The following HS3ST4 variants were observed in gnomAD, a reference collection of about 807,000 sequenced individuals.
HS3ST4 encodes the protein heparan sulfate-glucosamine 3-sulfotransferase 4.
A neutral mutation model predicts 29.2 loss-of-function variants in HS3ST4; 17 were observed. The ratio of observed to expected loss-of-function variants is 0.58; its 90% CI spans 0.40 to 0.87. The LOEUF (loss-of-function observed/expected upper bound fraction) is 0.87, where lower values mean the gene tolerates loss of function less well. Ranked by LOEUF, HS3ST4 falls within the 40% of genes least tolerant of loss-of-function variation. The pLI, the probability that HS3ST4 is intolerant of heterozygous loss-of-function variation, is 0.00. For synonymous variants in HS3ST4, 314 were observed against 285.7 expected, an observed-to-expected ratio of 1.10 and a Z score of -1.00; for missense variants, 627 against 634.5, an observed-to-expected ratio of 0.99 and a Z score of 0.13.
At chr16:26,060,255 A>C (rs566071760) in intron 1 of HS3ST4, among the ~76,000 whole-genome samples, 2 of 152,340 alleles carry the variant, frequency 1.3e-5, no homozygotes, top group South Asian at 4.1e-4. Flanking sequence ...AAGCAGGTGC[A>C]GTCATTTGAG....
chr16:26,135,757 GC>G lies in HS3ST4; in HGVS notation c.882del (p.Ile295SerfsTer29). 6.2e-7 allele frequency: 1 copy of G among 1,614,086 alleles called. No homozygotes were observed. Among genetic ancestry groups the G allele is most frequent in the Non-Finnish European group, 8.5e-7 (1 of 1,179,994 alleles). On this transcript the variant is annotated frameshift_variant, in exon 2 of 2. Transcript: ENST00000331351. LOFTEE classifies it high-confidence loss of function. ...GGTGGTGAGAAACCCCGTGACCAGG[GC>G]CATCTCTGACTACACGCAGACACTG... ...IVVVRNPVTRAISDYTQTLSK... is the reference protein window; with the variant it reads ...IVVVRNPVTRXISDYTQTLSK...
rs774359905 is a variant in HS3ST4 at position 26,105,611 on chromosome 16, TA to T, written c.735-29997del. ...CACTGAAGGTAAAATCTCAAGTTCTTAAAATGACCTGCAGGACTCTTCTGCC... is the reference window on the plus strand; with the variant it reads ...CACTGAAGGTAAAATCTCAAGTTCTTAAATGACCTGCAGGACTCTTCTGCC... On this transcript the variant is annotated intron_variant, in intron 1 of 1. Transcript: ENST00000331351. Among the ~76,000 whole-genome samples, 18 of 152,342 alleles carry T rather than the reference TA, an allele frequency of 1.2e-4. No individual in the cohort carries two copies. The East Asian group carries it at 2.5e-3, about 21-fold the overall frequency.
At chr16:26,097,058 A>G (rs1898934068) in intron 1 of HS3ST4, among the ~76,000 whole-genome samples, 2 of 152,222 alleles carry the variant, frequency 1.3e-5, no homozygotes. Flanking sequence ...GGAGAACTAC[A>G]TACCACTGCT....
At chr16:25,928,715 T>C (rs55809398) in intron 1 of HS3ST4, among the ~76,000 whole-genome samples, 14,953 of 152,206 alleles carry the variant, frequency 0.098, 838 homozygotes, top group African/African-American at 0.12. Flanking sequence ...CAGGGCCAAA[T>C]GTTTTCCCTG....
intron 1 of HS3ST4, among the ~76,000 whole-genome samples, chr16:25,965,616 G>A (rs945917911): frequency 6.6e-6 from 1 of 151,998 alleles, no homozygotes; most frequent in Admixed American, 6.6e-5. Flanking sequence ...TGCAAAACTC[G>A]ACCTTGCAAG....
Position 25,692,719 on chromosome 16 carries a change from C to A in HS3ST4, c.302C>A (p.Pro101Gln), listed in dbSNP as rs1331200365. 3 of 1,239,696 alleles carry A rather than the reference C, an allele frequency of 2.4e-6. No individual in the cohort carries two copies. Among genetic ancestry groups the A allele is most frequent in the Non-Finnish European group, 3.0e-6 (3 of 994,070 alleles). The allele number at this position is 1,239,696 out of a possible 1,614,324, so 76.8% of individuals were successfully genotyped here. ...LGAPSQPPAP[P>Q]PLDNASHGEP... ...GCCCCCTCGCAGCCGCCCGCGCCGCCGCCGCTGGACAACGCGAGCCACGGG... is the reference window on the plus strand; with the variant it reads ...GCCCCCTCGCAGCCGCCCGCGCCGCAGCCGCTGGACAACGCGAGCCACGGG... The change falls in exon 1 of 2, where the codon CCG becomes CAG. Residue 101 changes from proline (P) to glutamine (Q), a missense_variant. Pro to Gln is a moderately conservative substitution (Grantham distance 76). This residue lies in a region of HS3ST4 where 402 missense variants were observed against 340.8 expected (regional missense o/e 1.18). Transcript: ENST00000331351.
At chr16:26,126,294 A>G (rs1299086030) in intron 1 of HS3ST4, among the ~76,000 whole-genome samples, 1 of 152,172 alleles carries the variant, frequency 6.6e-6, no homozygotes, top group Admixed American at 6.5e-5. Flanking sequence ...GCTCTGTGTT[A>G]AGCAATCTCA....
At chr16:26,059,764 T>C (rs1227009827) in intron 1 of HS3ST4, among the ~76,000 whole-genome samples, 1 of 152,130 alleles carries the variant, frequency 6.6e-6, no homozygotes, top group African/African-American at 2.4e-5. Context: ...TTATTATTAC[T>C]ATTATTATTT....
chr16:25,781,262 GT>G (rs1966852333), intron 1 of HS3ST4, among the ~76,000 whole-genome samples: 3 of 152,204 alleles, frequency 2.0e-5, no homozygotes, highest in Non-Finnish European at 2.9e-5. Flanking sequence ...CTTGGCAGAG[GT>G]TTAAAGTAGG....
At chr16:25,843,692 C>T (rs1287420030) in intron 1 of HS3ST4, among the ~76,000 whole-genome samples, 3 of 152,156 alleles carry the variant, frequency 2.0e-5, no homozygotes, top group Non-Finnish European at 4.4e-5. Context: ...GTCTAATGAT[C>T]GTCTACATTT....
chr16:26,066,578 C>G (rs957594204), intron 1 of HS3ST4, among the ~76,000 whole-genome samples: 1 of 152,266 alleles, frequency 6.6e-6, no homozygotes, highest in Middle Eastern at 3.4e-3. Context: ...ATTCTCTGAG[C>G]ATCTGCAAGA....
chr16:25,899,400 G>A (rs1285138651), intron 1 of HS3ST4, among the ~76,000 whole-genome samples: 1 of 152,192 alleles, frequency 6.6e-6, no homozygotes, highest in Non-Finnish European at 1.5e-5. Flanking sequence ...AAAAGCTTGG[G>A]GTATACTTTA....
At chr16:25,986,203 A>G (rs892238705) in intron 1 of HS3ST4, among the ~76,000 whole-genome samples, 6 of 150,078 alleles carry the variant, frequency 4.0e-5, no homozygotes, top group Non-Finnish European at 7.5e-5. Flanking sequence ...ATACTTATTC[A>G]TTCTCTACCT....
intron 1 of HS3ST4, among the ~76,000 whole-genome samples, chr16:25,792,720 AT>A (rs144903636): frequency 0.23 from 34,381 of 150,662 alleles, 4,072 homozygotes; most frequent in Admixed American, 0.26. Context: ...GTGTTTATCA[AT>A]TTTTTTTTAG....
chr16:26,031,616 A>G (rs1969531484), intron 1 of HS3ST4, among the ~76,000 whole-genome samples: 1 of 151,980 alleles, frequency 6.6e-6, no homozygotes, highest in African/African-American at 2.4e-5. Context: ...AAAAACCAAA[A>G]GGGAAGAAGG....
chr16:26,095,937 C>T (rs1469174138), intron 1 of HS3ST4, among the ~76,000 whole-genome samples: 1 of 152,116 alleles, frequency 6.6e-6, no homozygotes, highest in Non-Finnish European at 1.5e-5. Flanking sequence ...AAGGGGATAT[C>T]ACCACCAATC....
intron 1 of HS3ST4, among the ~76,000 whole-genome samples, chr16:25,951,030 A>G (rs1186731091): frequency 6.6e-6 from 1 of 152,144 alleles, no homozygotes; most frequent in Non-Finnish European, 1.5e-5. Flanking sequence ...GGAAGCAGGG[A>G]TTATATCCAG....
At chr16:25,739,202 C>A (rs573260847) in intron 1 of HS3ST4, among the ~76,000 whole-genome samples, 1 of 152,020 alleles carries the variant, frequency 6.6e-6, no homozygotes, top group African/African-American at 2.4e-5. Flanking sequence ...ATTAGCTAGG[C>A]GTGGTGGCGG....
intron 1 of HS3ST4, among the ~76,000 whole-genome samples, chr16:26,060,574 G>A (rs1217170638): frequency 1.3e-5 from 2 of 152,122 alleles, no homozygotes; most frequent in African/African-American, 4.8e-5. Context: ...TCTTTGCACT[G>A]ACACTTAGCT....
Sources: gnomAD v4.1 joint callset for allele counts (sites outside exome capture counted in the v4.1 genomes callset) on GRCh38, gnomAD v4.1.1 for gene constraint, gnomAD v4.1.1 regional missense constraint, MANE v1.5 for transcripts, NCBI Gene and HGNC (gene_info 2026-07-23, HGNC 2026-07-21) for gene names.